The following GRID2 variants were observed in gnomAD, a reference collection of about 807,000 sequenced individuals.
GRID2 encodes glutamate receptor ionotropic, delta-2.
In GRID2, 33 loss-of-function variants were observed where a neutral mutation model predicts 114.8. That is an observed-to-expected ratio of 0.29 (90% CI 0.22 to 0.38). GRID2 has a LOEUF of 0.38. GRID2 is among the 10% of genes least tolerant of loss of function. The pLI is 1.00. For synonymous variants in GRID2, 505 were observed against 449.9 expected, an observed-to-expected ratio of 1.12 and a Z score of -1.55; for missense variants, 1,184 against 1,257.7, an observed-to-expected ratio of 0.94 and a Z score of 0.89.
chr4:93,337,848 A>G (rs1464993457), intron 8 of GRID2, among the ~76,000 whole-genome samples: 2 of 152,178 alleles, frequency 1.3e-5, no homozygotes, highest in Non-Finnish European at 2.9e-5. Flanking sequence ...TTCCATTCAA[A>G]CTAGTATTTG....
At chr4:93,071,008 C>T (rs1410643310) in intron 2 of GRID2, among the ~76,000 whole-genome samples, 1 of 152,022 alleles carries the variant, frequency 6.6e-6, no homozygotes, top group Non-Finnish European at 1.5e-5. Context: ...GTGTATCTTT[C>T]CTCTCATAGA....
intron 1 of GRID2, among the ~76,000 whole-genome samples, chr4:92,552,737 C>T (rs1726658470): frequency 6.6e-6 from 1 of 152,084 alleles, no homozygotes; most frequent in African/African-American, 2.4e-5. Flanking sequence ...AAAGAATGTC[C>T]AGACGAAGGG....
At chr4:93,460,497 G>T (rs1309358184) in intron 11 of GRID2, among the ~76,000 whole-genome samples, 1 of 152,094 alleles carries the variant, frequency 6.6e-6, no homozygotes, top group Non-Finnish European at 1.5e-5. Context: ...CTACTTTCAA[G>T]AAGTCTTTCC....
intron 13 of GRID2, among the ~76,000 whole-genome samples, chr4:93,605,808 T>C (rs1235328552): frequency 6.6e-6 from 1 of 152,166 alleles, no homozygotes; most frequent in Admixed American, 6.5e-5. Flanking sequence ...GTAAGTATAA[T>C]GCAATGTGCT....
intron 14 of GRID2, among the ~76,000 whole-genome samples, chr4:93,656,829 CAAAAAAAA>C (rs61508444): frequency 9.4e-5 from 3 of 31,914 alleles, no homozygotes; most frequent in East Asian, 7.2e-4. Flanking sequence ...GACTCTGCCT[CAAAAAAAA>C]AAAAAAAAAA....
At chr4:93,250,988 C>G (rs1052998699) in intron 8 of GRID2, among the ~76,000 whole-genome samples, 1 of 151,614 alleles carries the variant, frequency 6.6e-6, no homozygotes, top group African/African-American at 2.4e-5. Context: ...AAACACATAC[C>G]CCCTGTTAAT....
At chr4:92,434,109 A>C (rs1732610728) in intron 1 of GRID2, among the ~76,000 whole-genome samples, 1 of 152,208 alleles carries the variant, frequency 6.6e-6, no homozygotes, top group South Asian at 2.1e-4. Context: ...AGTTTTCTTC[A>C]GTAGTAATAT....
At position 92,545,352 on chromosome 4, in the gene GRID2, G is replaced by A. The variant is rs115733283; in HGVS notation, c.89-44779G>A. ...TGCCTATGAATATCATAGCAATGCT[G>A]TTCTAAGCAAGGTAATTCTTCTCAT... is the stretch of plus-strand genomic sequence containing the variant. On this transcript the variant is annotated intron_variant, in intron 1 of 15. Transcript: ENST00000282020. Among the ~76,000 whole-genome samples, 734 of 152,250 alleles carry A rather than the reference G, an allele frequency of 4.8e-3. 6 individuals are homozygous for A. Among genetic ancestry groups the A allele is most frequent in the African/African-American group, 0.017 (689 of 41,562 alleles).
In GRID2 at chr4:92,656,594, T is replaced by G. The variant is rs1732249566; in HGVS notation, c.244+66308T>G. ...GAAATGTTTCAAAATGTACTAAAAC[T>G]TTAAAATCATCACAATCTAATCATA... On this transcript the variant is annotated intron_variant, in intron 2 of 15. Coordinates refer to ENST00000282020, the MANE Select transcript of GRID2 (RefSeq NM_001510.4). Among the ~76,000 whole-genome samples the G allele has an allele frequency of 2.6e-5, 4 of 151,778 alleles. No individual in the cohort carries two copies. In the South Asian group the frequency reaches 8.3e-4, roughly 31 times the overall value.
At chr4:93,277,222 T>A (rs1406513424) in intron 8 of GRID2, among the ~76,000 whole-genome samples, 1 of 151,958 alleles carries the variant, frequency 6.6e-6, no homozygotes, top group Non-Finnish European at 1.5e-5. Context: ...AAGTAAGTAA[T>A]CTTTGAAAAT....
chr4:92,888,962 G>C (rs1424106526), intron 2 of GRID2, among the ~76,000 whole-genome samples: 1 of 151,794 alleles, frequency 6.6e-6, no homozygotes, highest in Admixed American at 6.6e-5. Context: ...TTGTATTTTG[G>C]TAATTGTCTT....
chr4:92,934,916 A>C (rs1351430502), intron 2 of GRID2, among the ~76,000 whole-genome samples: 1 of 146,878 alleles, frequency 6.8e-6, no homozygotes, highest in African/African-American at 2.4e-5. Flanking sequence ...TAAACGTTCG[A>C]CCTAAAACCA....
chr4:92,518,983 C>G (rs1373619982), intron 1 of GRID2, among the ~76,000 whole-genome samples: 1 of 151,762 alleles, frequency 6.6e-6, no homozygotes, highest in African/African-American at 2.4e-5. Flanking sequence ...GGATAATTTT[C>G]TGACACAGAG....
Position 93,036,728 on chromosome 4 carries a change from T to C in GRID2, c.245-48267T>C, listed in dbSNP as rs563481450. On this transcript the variant is annotated intron_variant, in intron 2 of 15. Coordinates refer to ENST00000282020, the MANE Select transcript of GRID2 (RefSeq NM_001510.4). Reference sequence around the variant, plus strand: ...ATACTTATGTCACATTTTTCAGTGTTCCCATACTATCAGGGAATGTGTATA... The same window carrying C: ...ATACTTATGTCACATTTTTCAGTGTCCCCATACTATCAGGGAATGTGTATA... 4.6e-5 allele frequency among the ~76,000 whole-genome samples: 7 copies of C among 152,268 alleles called. No individual in the cohort carries two copies. The South Asian group carries it at 1.5e-3, about 32-fold the overall frequency.
chr4:93,251,092 C>A (rs1250021312), intron 8 of GRID2, among the ~76,000 whole-genome samples: 1 of 152,070 alleles, frequency 6.6e-6, no homozygotes, highest in African/African-American at 2.4e-5. Flanking sequence ...ATGTGAAACT[C>A]TGTGACCTTG....
chr4:93,731,345 T>C (rs891736350), intron 14 of GRID2, among the ~76,000 whole-genome samples: 6 of 151,824 alleles, frequency 4.0e-5, no homozygotes, highest in African/African-American at 1.5e-4. Context: ...CAATGAAAAT[T>C]AGAGCGCAAT....
chr4:93,042,267 CTCTCTCTT>C (rs1372228517), intron 2 of GRID2, among the ~76,000 whole-genome samples: 26 of 82,266 alleles, frequency 3.2e-4, no homozygotes, highest in Non-Finnish European at 5.0e-4. Flanking sequence ...CTCTCTCTCT[CTCTCTCTT>C]TCTCTCTCTC....
intron 13 of GRID2, among the ~76,000 whole-genome samples, chr4:93,614,882 C>T (rs956113913): frequency 1.3e-5 from 2 of 152,170 alleles, no homozygotes; most frequent in African/African-American, 4.8e-5. Flanking sequence ...ATAACATGTT[C>T]TTTTCTGTCC....
At chr4:92,755,865 G>T (rs1266043902) in intron 2 of GRID2, among the ~76,000 whole-genome samples, 3 of 152,094 alleles carry the variant, frequency 2.0e-5, no homozygotes, top group Non-Finnish European at 4.4e-5. Context: ...GTTCATATCT[G>T]TGGGATACAT....
Sources: allele counts gnomAD v4.1 joint callset (sites outside exome capture counted in the v4.1 genomes callset), GRCh38; gene constraint gnomAD v4.1.1; transcripts MANE v1.5; gene names NCBI Gene and HGNC (gene_info 2026-07-23, HGNC 2026-07-21).